The following GLG1 variants were observed in gnomAD, a reference collection of about 807,000 sequenced individuals.
The protein encoded by GLG1 is golgi glycoprotein 1.
In GLG1, 38 loss-of-function variants were observed where a neutral mutation model predicts 160.5. That is an observed-to-expected ratio of 0.24 (90% CI 0.18 to 0.31). The LOEUF (loss-of-function observed/expected upper bound fraction) is 0.31, where lower values mean the gene tolerates loss of function less well. Ranked by LOEUF, GLG1 falls within the 10% of genes least tolerant of loss-of-function variation. The probability of loss-of-function intolerance (pLI) is 1.00; values close to 1 mark genes in which losing one functional copy is unlikely to be tolerated. For synonymous variants in GLG1, 644 were observed against 543.4 expected, an observed-to-expected ratio of 1.19 and a Z score of -2.57; for missense variants, 1,373 against 1,505.2, an observed-to-expected ratio of 0.91 and a Z score of 1.45.
chr16:74,558,688 C>T (rs1001412995), intron 1 of GLG1, among the ~76,000 whole-genome samples: 1 of 152,100 alleles, frequency 6.6e-6, no homozygotes, highest in Non-Finnish European at 1.5e-5. Flanking sequence ...TTATTTCTTA[C>T]CCCCAAAGGA....
At chr16:74,456,605 T>G in intron 25 of GLG1, 44 bp downstream of exon 25, 1 of 1,166,540 alleles carries the variant, frequency 8.6e-7, no homozygotes, top group Non-Finnish European at 1.3e-6. Context: ...AAGTGTTCCA[T>G]ATTTTTTTGT....
chr16:74,497,672 C>T (rs1355631041), intron 4 of GLG1, among the ~76,000 whole-genome samples: 2 of 152,154 alleles, frequency 1.3e-5, no homozygotes, highest in African/African-American at 2.4e-5. Context: ...CTCCTGACCT[C>T]GTGATCCGCC....
In GLG1 at chr16:74,596,446, T is replaced by C. The variant is rs577604452; in HGVS notation, c.438+10211A>G. Among the ~76,000 whole-genome samples, 8 of 151,870 alleles carry C rather than the reference T, an allele frequency of 5.3e-5. No individual in the cohort carries two copies. In the South Asian group the frequency reaches 1.7e-3, roughly 32 times the overall value. Reference sequence around the variant, plus strand: ...CGGGAAGCTGAGGCAGGAGAATTGCTTGAACTCGGGAGGCAGAGGTTGCAG... The same window carrying C: ...CGGGAAGCTGAGGCAGGAGAATTGCCTGAACTCGGGAGGCAGAGGTTGCAG... On this transcript the variant is annotated intron_variant, in intron 1 of 25. Coordinates refer to ENST00000422840, the MANE Select transcript of GLG1 (RefSeq NM_001145667.2).
chr16:74,567,265 T>C (rs904082335), intron 1 of GLG1, among the ~76,000 whole-genome samples: 1 of 151,932 alleles, frequency 6.6e-6, no homozygotes, highest in South Asian at 2.1e-4. Flanking sequence ...TTCTTTTGTT[T>C]TGTTGGTAGG....
At chr16:74,511,963 T>C (rs1015556429) in intron 2 of GLG1, among the ~76,000 whole-genome samples, 5 of 152,094 alleles carry the variant, frequency 3.3e-5, no homozygotes, top group African/African-American at 7.2e-5. Context: ...ATATAATTCA[T>C]ATACCATAAA....
intron 3 of GLG1, among the ~76,000 whole-genome samples, chr16:74,505,451 G>A (rs1282450208): frequency 2.0e-5 from 3 of 152,184 alleles, no homozygotes; most frequent in African/African-American, 7.2e-5. Context: ...TGGGCACGGT[G>A]GCTCATGTCC....
chr16:74,505,403 CAAGTA>C (rs2016559554), intron 3 of GLG1, among the ~76,000 whole-genome samples: 1 of 152,168 alleles, frequency 6.6e-6, no homozygotes, highest in African/African-American at 2.4e-5. Context: ...AGTTTAACCC[CAAGTA>C]AGTTTTTGTG....
intron 1 of GLG1, among the ~76,000 whole-genome samples, chr16:74,586,582 C>T (rs1054548746): frequency 2.6e-5 from 4 of 152,138 alleles, no homozygotes; most frequent in African/African-American, 9.7e-5. Context: ...TCAAACAATC[C>T]TCTCACCTCA....
In GLG1 at chr16:74,496,572, G is replaced by C; in HGVS notation, c.847C>G (p.Pro283Ala). Residue 283 changes from proline (P) to alanine (A), a missense_variant, in exon 5 of 26, where the codon CCC becomes GCC. Transcript: ENST00000422840. ...CAGAGTTCAGAAACTTGAATCTTGG[G>C]TTCTCTTTCTTCTGCTTCTTTCACC... Reference protein sequence around the residue: ...GLVKEAEEREPKIQVSELCKK... With the variant: ...GLVKEAEEREAKIQVSELCKK... The C allele has an allele frequency of 6.2e-7, 1 of 1,613,380 alleles. No homozygotes were observed. The highest frequency in any genetic ancestry group is 8.5e-7 in the Non-Finnish European group (1 of 1,179,428).
At chr16:74,548,366 C>G (rs1408180662) in intron 1 of GLG1, among the ~76,000 whole-genome samples, 4 of 152,170 alleles carry the variant, frequency 2.6e-5, no homozygotes, top group Non-Finnish European at 5.9e-5. Context: ...ATGAAAAATC[C>G]TTGGTTGATC....
At chr16:74,505,354 G>A (rs992477440) in intron 3 of GLG1, among the ~76,000 whole-genome samples, 1 of 152,252 alleles carries the variant, frequency 6.6e-6, no homozygotes, top group Admixed American at 6.5e-5. Context: ...TTCAGAGACA[G>A]CAGAGATTTT....
At chr16:74,548,718 A>G (rs1260908900) in intron 1 of GLG1, among the ~76,000 whole-genome samples, 6 of 152,310 alleles carry the variant, frequency 3.9e-5, no homozygotes, top group African/African-American at 1.4e-4. Flanking sequence ...AAACAGGGCC[A>G]GGTACAGTAG....
intron 2 of GLG1, among the ~76,000 whole-genome samples, chr16:74,522,673 A>T (rs2017205940): frequency 6.6e-6 from 1 of 151,924 alleles, no homozygotes; most frequent in Non-Finnish European, 1.5e-5. Context: ...CATACTCTTA[A>T]TATTGTATGC....
chr16:74,482,093 G>GA (rs2015621797), intron 10 of GLG1, among the ~76,000 whole-genome samples: 1 of 151,950 alleles, frequency 6.6e-6, no homozygotes, highest in Admixed American at 6.6e-5. Flanking sequence ...CGGTTCAAGT[G>GA]AATCTCCTGC....
chr16:74,498,468 T>TATATATACATATATATATATATATATA lies in GLG1; in HGVS notation c.775-1825_775-1824insTATATATATATATATATATGTATATAT, dbSNP rs1491206560. On this transcript the variant is annotated intron_variant, in intron 4 of 25. Transcript: ENST00000422840. Reference sequence around the variant, plus strand: ...AAAAAGTATATATATATATATATATTATATTTTATATATATATTTTATATA... The same window carrying TATATATACATATATATATATATATATA: ...AAAAAGTATATATATATATATATATTATATATACATATATATATATATATATAATATTTTATATATATATTTTATATA... 1.3e-4 allele frequency among the ~76,000 whole-genome samples: 4 copies of TATATATACATATATATATATATATATA among 29,668 alleles called. No individual in the cohort carries two copies. In the Admixed American group the frequency reaches 1.6e-3, roughly 12 times the overall value. 19.5% of individuals were successfully genotyped at this position (29,668 alleles called of 152,430 possible).
rs1432529539 is a variant in GLG1 at position 74,598,785 on chromosome 16, G to A, written c.438+7872C>T. 2.6e-5 allele frequency among the ~76,000 whole-genome samples: 4 copies of A among 151,738 alleles called. No homozygotes were observed. In the East Asian group the frequency reaches 7.7e-4, roughly 29 times the overall value. On this transcript the variant is annotated intron_variant, in intron 1 of 25. Coordinates refer to ENST00000422840, the MANE Select transcript of GLG1 (RefSeq NM_001145667.2). ...TATAATCCCAGCTACTCGGGAGGCT[G>A]AGGCAGGAGAATGGCTTGAACCCGA...
intron 1 of GLG1, among the ~76,000 whole-genome samples, chr16:74,601,664 T>C (rs570949416): frequency 1.3e-5 from 2 of 152,302 alleles, no homozygotes; most frequent in South Asian, 4.1e-4. Context: ...AAGCAGAAAT[T>C]CGGTTTATGA....
rs1233351958 is a variant in GLG1 at position 74,542,712 on chromosome 16, A to AGGGAGGGAGGGAG, written c.439-10560_439-10559insCTCCCTCCCTCCC. ...AGGGAAGGAGGGAGGGAGGAAGGGA[A>AGGGAGGGAGGGAG]GAAGGGAAGGAAGGAAGGAAGGGAG... On this transcript the variant is annotated intron_variant, in intron 1 of 25. Transcript: ENST00000422840. Among the ~76,000 whole-genome samples, 35 of 38,096 alleles carry AGGGAGGGAGGGAG rather than the reference A, an allele frequency of 9.2e-4. 1 individual carries two copies. Among genetic ancestry groups the AGGGAGGGAGGGAG allele is most frequent in the East Asian group, 4.5e-3 (5 of 1,114 alleles). The allele number at this position is 38,096 out of a possible 152,430, so 25.0% of individuals were successfully genotyped here.
At chr16:74,493,356 T>C (rs903673472) in intron 6 of GLG1, among the ~76,000 whole-genome samples, 1 of 152,250 alleles carries the variant, frequency 6.6e-6, no homozygotes, top group Non-Finnish European at 1.5e-5. Context: ...CTAGAAATTC[T>C]GTAGTCACTT....
Sources: allele counts gnomAD v4.1 joint callset (sites outside exome capture counted in the v4.1 genomes callset), GRCh38; gene constraint gnomAD v4.1.1; transcripts MANE v1.5; gene names NCBI Gene and HGNC (gene_info 2026-07-23, HGNC 2026-07-21).